PDE9A: variants seen among roughly 807,000 people sequenced by gnomAD.
PDE9A encodes high affinity cGMP-specific 3',5'-cyclic phosphodiesterase 9A.
Under a neutral mutation model 87.4 loss-of-function variants are expected in PDE9A, and 60 were observed. That is an observed-to-expected ratio of 0.69 (90% CI 0.56 to 0.85). The LOEUF is 0.85. Among genes scored for constraint, PDE9A ranks in the 40% least tolerant of loss-of-function variants. The pLI, the probability that PDE9A is intolerant of heterozygous loss-of-function variation, is 0.00. For synonymous variants in PDE9A, 272 were observed against 279.4 expected (o/e 0.97, Z 0.27); for missense variants, 665 against 779.0 (o/e 0.85, Z 1.74).
intron 1 of PDE9A, among the ~76,000 whole-genome samples, chr21:42,666,104 G>T (rs1477492906): frequency 6.6e-6 from 1 of 152,264 alleles, no homozygotes; most frequent in East Asian, 1.9e-4. Context: ...CAGCCCTGGG[G>T]TGGGGGCGTG....
At chr21:42,662,653 A>G (rs2057610198) in intron 1 of PDE9A, among the ~76,000 whole-genome samples, 1 of 130,084 alleles carries the variant, frequency 7.7e-6, no homozygotes, top group Non-Finnish European at 1.6e-5. Context: ...ATCCCACACC[A>G]TGCACACACA....
chr21:42,742,057 CT>C (rs1742856918), intron 7 of PDE9A, among the ~76,000 whole-genome samples: 3 of 152,280 alleles, frequency 2.0e-5, no homozygotes, highest in African/African-American at 7.2e-5. Flanking sequence ...TTCATGGCAG[CT>C]TTTCTGGGGT....
intron 8 of PDE9A, among the ~76,000 whole-genome samples, chr21:42,744,083 T>A (rs1393040912): frequency 6.6e-6 from 1 of 152,202 alleles, no homozygotes; most frequent in Non-Finnish European, 1.5e-5. Context: ...CCGGGTGTGG[T>A]GGCTCACGCC....
At chr21:42,719,902 T>C (rs2050323034) in intron 4 of PDE9A, among the ~76,000 whole-genome samples, 1 of 152,220 alleles carries the variant, frequency 6.6e-6, no homozygotes, top group South Asian at 2.1e-4. Flanking sequence ...CTGTCATTTG[T>C]ACCATAATCA....
rs979983719 is a variant in PDE9A, at chr21:42,660,451, A to G, written c.69+6568A>G. Among the ~76,000 whole-genome samples the G allele has an allele frequency of 1.3e-5, 2 of 152,032 alleles. No individual in the cohort carries two copies. Among genetic ancestry groups the G allele is most frequent in the Non-Finnish European group, 2.9e-5 (2 of 68,008 alleles). ...GGGTGCTTGCATTTCCAGGGGTCCA[A>G]ATATTTTTGAGAAGAAAATGTTCTA... is the stretch of plus-strand genomic sequence containing the variant. On this transcript the variant is annotated intron_variant, in intron 1 of 19. Transcript: ENST00000291539. The surrounding 1 kb of genome is among the most constrained non-coding windows in gnomAD (Gnocchi z 4.7).
intron 19 of PDE9A, among the ~76,000 whole-genome samples, chr21:42,774,593 G>A (rs536361429): frequency 1.3e-5 from 2 of 151,990 alleles, no homozygotes; most frequent in South Asian, 2.1e-4. Context: ...AAAATGGTCT[G>A]TGTGTCGGCC....
chr21:42,763,471 A>C (rs1477937949), intron 14 of PDE9A, among the ~76,000 whole-genome samples: 1 of 152,134 alleles, frequency 6.6e-6, no homozygotes, highest in African/African-American at 2.4e-5. Flanking sequence ...GCCCCAAACT[A>C]AGGGACTTCG....
chr21:42,756,424 C>T (rs2055048571), intron 10 of PDE9A, among the ~76,000 whole-genome samples: 1 of 152,244 alleles, frequency 6.6e-6, no homozygotes, highest in South Asian at 2.1e-4. Flanking sequence ...AAGTGATCAC[C>T]TCCCTCCCTT....
intron 3 of PDE9A, among the ~76,000 whole-genome samples, chr21:42,691,379 C>T (rs1184088999): frequency 6.6e-6 from 1 of 151,454 alleles, no homozygotes; most frequent in Non-Finnish European, 1.5e-5. Context: ...CCAGTCCTAT[C>T]ACCATCACCA....
intron 7 of PDE9A, chr21:42,733,721 C>T: frequency 2.4e-6 from 1 of 420,774 alleles, no homozygotes; most frequent in Non-Finnish European, 4.3e-6. Context: ...AGAACCTCTG[C>T]TGAGTGTCTT....
chr21:42,668,155 G>T (rs973721282), intron 1 of PDE9A, among the ~76,000 whole-genome samples: 3 of 152,124 alleles, frequency 2.0e-5, no homozygotes, highest in Non-Finnish European at 4.4e-5. Context: ...GCTCGAAGGG[G>T]CTGCGTGCTG....
rs567940073 is a variant in PDE9A, at chr21:42,768,260, G to T, written c.1429G>T (p.Val477Leu). The T allele has an allele frequency of 4.2e-5, 67 of 1,606,192 alleles. 1 individual carries two copies. The South Asian group carries it at 7.3e-4, about 17-fold the overall frequency. Residue 477 changes from valine to leucine, a missense_variant, in exon 16 of 20, where the codon GTG becomes TTG. Coordinates refer to ENST00000291539, the MANE Select transcript of PDE9A (RefSeq NM_002606.3). ...VRPMEVAEPW[V>L]DCLLEEYFMQ... Reference sequence around the variant, plus strand: ...TCCAATGGAAGTCGCAGAGCCTTGGGTGGACTGTTTATTAGAGGAATATTT... The same window carrying T: ...TCCAATGGAAGTCGCAGAGCCTTGGTTGGACTGTTTATTAGAGGAATATTT...
chr21:42,761,977 T>G (rs1432541771), intron 13 of PDE9A, 106 bp from the exon 14 acceptor site: 1 of 1,188,382 alleles, frequency 8.4e-7, no homozygotes, highest in Non-Finnish European at 1.2e-6. Context: ...CCACGGCACC[T>G]TCTCCTGACT....
chr21:42,720,775 G>A (rs908571151), intron 4 of PDE9A, among the ~76,000 whole-genome samples: 1 of 152,152 alleles, frequency 6.6e-6, no homozygotes, highest in Admixed American at 6.5e-5. Flanking sequence ...GGAGGCCGAG[G>A]TGGGCGGATC....
chr21:42,693,391 C>T (rs1226156118), intron 3 of PDE9A, among the ~76,000 whole-genome samples: 1 of 151,376 alleles, frequency 6.6e-6, no homozygotes, highest in South Asian at 2.1e-4. Context: ...CTCTGCCTTC[C>T]GGGTTCACGC....
chr21:42,706,976 C>A (rs34993132), intron 4 of PDE9A, among the ~76,000 whole-genome samples: 32 of 152,164 alleles, frequency 2.1e-4, no homozygotes, highest in African/African-American at 7.2e-4. Flanking sequence ...TGGCTGCGTC[C>A]TGTGGCTGCA....
chr21:42,689,439 C>G, intron 3 of PDE9A: 2 of 661,136 alleles, frequency 3.0e-6, no homozygotes, highest in Non-Finnish European at 3.7e-6. Flanking sequence ...AGCACCAGCT[C>G]CAGCCTGGGG....
intron 1 of PDE9A, among the ~76,000 whole-genome samples, chr21:42,666,406 T>C (rs375036016): frequency 3.2e-4 from 48 of 152,150 alleles, no homozygotes; most frequent in East Asian, 1.5e-3. Flanking sequence ...CCCATCTGAC[T>C]CAGCAGCTGG....
intron 7 of PDE9A, among the ~76,000 whole-genome samples, chr21:42,736,415 G>A (rs1294488244): frequency 3.3e-5 from 5 of 152,082 alleles, no homozygotes; most frequent in Admixed American, 6.6e-5. Flanking sequence ...TTCTGGCTGC[G>A]GAATTCTCCA....
Sources: allele counts gnomAD v4.1 joint callset (sites outside exome capture counted in the v4.1 genomes callset), GRCh38; gene constraint gnomAD v4.1.1; non-coding constraint Gnocchi (gnomAD v3.1); transcripts MANE v1.5; gene names NCBI Gene and HGNC (gene_info 2026-07-23, HGNC 2026-07-21).